SGCG: variants seen among roughly 807,000 people sequenced by gnomAD.
SGCG encodes sarcoglycan gamma.
A neutral mutation model predicts 29.3 loss-of-function variants in SGCG; 26 were observed. The ratio of observed to expected loss-of-function variants is 0.89; its 90% CI spans 0.65 to 1.23. The LOEUF (loss-of-function observed/expected upper bound fraction) is 1.23, where lower values mean the gene tolerates loss of function less well. Among genes scored for constraint, SGCG ranks in the 50% most tolerant of loss-of-function variants. SGCG has a pLI of 0.00. For missense variants in SGCG, 353 were observed against 356.0 expected (o/e 0.99, Z 0.07); for synonymous variants, 145 against 129.7 (o/e 1.12, Z -0.80).
intron 2 of SGCG, among the ~76,000 whole-genome samples, chr13:23,211,959 C>T (rs535039573): frequency 6.6e-6 from 1 of 152,216 alleles, no homozygotes; most frequent in Non-Finnish European, 1.5e-5. Flanking sequence ...GGGGGCAGGT[C>T]CTTCATGAAT....
At chr13:23,299,472 T>A (rs1185879142) in intron 6 of SGCG, among the ~76,000 whole-genome samples, 1 of 118,114 alleles carries the variant, frequency 8.5e-6, no homozygotes, top group Non-Finnish European at 1.7e-5. Context: ...TTTTTTTTTT[T>A]AGTCGGAGTC....
intron 1 of SGCG, among the ~76,000 whole-genome samples, chr13:23,181,404 A>G (rs749136083): frequency 2.9e-4 from 44 of 152,222 alleles, no homozygotes; most frequent in African/African-American, 1.0e-3. Flanking sequence ...TAAACAAAGT[A>G]TTATCTTTAA....
intron 1 of SGCG, among the ~76,000 whole-genome samples, chr13:23,200,916 G>T (rs185171705): frequency 6.6e-6 from 1 of 152,168 alleles, no homozygotes; most frequent in African/African-American, 2.4e-5. Flanking sequence ...GAGTCAGGGC[G>T]AGAGGGACTG....
At chr13:23,293,814 G>A (rs1376533436) in intron 5 of SGCG, among the ~76,000 whole-genome samples, 2 of 142,742 alleles carry the variant, frequency 1.4e-5, no homozygotes, top group Non-Finnish European at 3.0e-5. Context: ...CTGGGTGACA[G>A]AGTGAGATTC....
chr13:23,213,634 A>G (rs1878316246), intron 2 of SGCG, among the ~76,000 whole-genome samples: 1 of 152,262 alleles, frequency 6.6e-6, no homozygotes. Flanking sequence ...AACACACTTT[A>G]CAAATATATT....
intron 2 of SGCG, among the ~76,000 whole-genome samples, chr13:23,231,847 G>C (rs891489982): frequency 6.6e-6 from 1 of 152,162 alleles, no homozygotes; most frequent in Non-Finnish European, 1.5e-5. Context: ...GGCCAGGCAC[G>C]GTGGCTCACA....
At chr13:23,194,866 G>A (rs1357385867) in intron 1 of SGCG, among the ~76,000 whole-genome samples, 1 of 152,138 alleles carries the variant, frequency 6.6e-6, no homozygotes, top group Non-Finnish European at 1.5e-5. Context: ...GAAGAAAAAA[G>A]TAGACATCGA....
the SGCG span, among the ~76,000 whole-genome samples, chr13:23,163,865 T>TA: frequency 6.6e-6 from 1 of 152,222 alleles, no homozygotes; most frequent in African/African-American, 2.4e-5. Context: ...AACTAAGTAA[T>TA]AAAGTTATAC....
upstream of SGCG, among the ~76,000 whole-genome samples, chr13:23,177,259 A>G (rs1287921770): frequency 6.6e-6 from 1 of 152,108 alleles, no homozygotes; most frequent in South Asian, 2.1e-4. Context: ...TCAGTGGGTA[A>G]AAAGTTAGAA....
chr13:23,293,255 C>A (rs1326574258), intron 5 of SGCG, among the ~76,000 whole-genome samples: 3 of 152,150 alleles, frequency 2.0e-5, no homozygotes, highest in African/African-American at 7.2e-5. Context: ...TTTCATGAAA[C>A]ATTAACCTTC....
Position 23,324,584 on chromosome 13 carries a change from G to C in SGCG, c.*43G>C, listed in dbSNP as rs757409780. ...GGTGAGCTGTGCAGTGCCGGCCCCA[G>C]ATCCTCACACCCAGGGAGCAGCTGC... On this transcript the variant is annotated 3_prime_UTR_variant, in exon 8 of 8. Transcript: ENST00000218867. 2 of 1,555,106 alleles carry C rather than the reference G, an allele frequency of 1.3e-6. No homozygotes were observed. Among genetic ancestry groups the C allele is most frequent in the Admixed American group, 1.7e-5 (1 of 59,800 alleles).
intron 1 of SGCG, among the ~76,000 whole-genome samples, chr13:23,185,382 G>A (rs1176786688): frequency 6.6e-6 from 1 of 152,174 alleles, no homozygotes; most frequent in Non-Finnish European, 1.5e-5. Flanking sequence ...AGTAGAGACA[G>A]GGTTTCGTCA....
chr13:23,292,219 C>T (rs897971240), intron 5 of SGCG, among the ~76,000 whole-genome samples: 19 of 151,970 alleles, frequency 1.3e-4, no homozygotes, highest in African/African-American at 4.1e-4. Context: ...AAATGATTCT[C>T]ATGCCTCAGC....
In SGCG at chr13:23,252,429, C is replaced by T. The variant is rs192963636; in HGVS notation, c.385+1712C>T. On this transcript the variant is annotated intron_variant, in intron 4 of 7. Transcript: ENST00000218867. ...ATTAGCGGCCGGGCACGGTGGCTCA[C>T]GCCTGTAATCCCAGCACTTTGGGAG... 1.6e-3 allele frequency among the ~76,000 whole-genome samples: 242 copies of T among 152,258 alleles called. 3 individuals carry two copies. Among genetic ancestry groups the T allele is most frequent in the African/African-American group, 5.5e-3 (229 of 41,556 alleles).
At position 23,324,609 on chromosome 13, in the gene SGCG, C is replaced by T; in HGVS notation, c.*68C>T. Reference sequence around the variant, plus strand: ...GATCCTCACACCCAGGGAGCAGCTGCACATCGTGAAAGACTGAGGCAGCGT... The same window carrying T: ...GATCCTCACACCCAGGGAGCAGCTGTACATCGTGAAAGACTGAGGCAGCGT... On this transcript the variant is annotated 3_prime_UTR_variant, in exon 8 of 8. Transcript: ENST00000218867. 7.0e-7 allele frequency: 1 copy of T among 1,420,818 alleles called. No homozygotes were observed. Among genetic ancestry groups the T allele is most frequent in the Non-Finnish European group, 9.8e-7 (1 of 1,018,426 alleles). The allele number at this position is 1,420,818 out of a possible 1,614,324, so 88.0% of individuals were successfully genotyped here.
intron 4 of SGCG, among the ~76,000 whole-genome samples, chr13:23,273,899 G>A (rs868684922): frequency 1.3e-5 from 2 of 152,086 alleles, no homozygotes; most frequent in Non-Finnish European, 2.9e-5. Flanking sequence ...GCCTTGTTGA[G>A]TTCTTTTTAG....
At chr13:23,239,594 A>C (rs542819392) in intron 3 of SGCG, among the ~76,000 whole-genome samples, 65 of 152,328 alleles carry the variant, frequency 4.3e-4, no homozygotes, top group African/African-American at 1.5e-3. Flanking sequence ...AATTTTAAAA[A>C]ATGTTAGAAG....
At chr13:23,222,217 A>T (rs977774788) in intron 2 of SGCG, among the ~76,000 whole-genome samples, 1 of 152,152 alleles carries the variant, frequency 6.6e-6, no homozygotes, top group East Asian at 1.9e-4. Flanking sequence ...TCTTAGGTAC[A>T]CGTATTGCAA....
intron 1 of SGCG, among the ~76,000 whole-genome samples, chr13:23,193,800 A>G (rs1877376005): frequency 6.6e-6 from 1 of 152,224 alleles, no homozygotes; most frequent in Non-Finnish European, 1.5e-5. Context: ...ATTTAAAGAC[A>G]TGATAATGAA....
Sources: gnomAD v4.1 joint callset for allele counts (sites outside exome capture counted in the v4.1 genomes callset) on GRCh38, gnomAD v4.1.1 for gene constraint, MANE v1.5 for transcripts, NCBI Gene and HGNC (gene_info 2026-07-23, HGNC 2026-07-21) for gene names.